Variants in AGMAT observed in about 807,000 individuals in gnomAD.
AGMAT encodes the protein agmatinase (putative).
In AGMAT, 37 loss-of-function variants were observed where a neutral mutation model predicts 29.3. That is an observed-to-expected ratio of 1.26 (90% CI 0.97 to 1.66). AGMAT has a LOEUF of 1.66. Among genes scored for constraint, AGMAT ranks in the 40% most tolerant of loss-of-function variants. The pLI, the probability that AGMAT is intolerant of heterozygous loss-of-function variation, is 0.00. For synonymous variants in AGMAT, 199 were observed against 200.8 expected (o/e 0.99, Z 0.08); for missense variants, 498 against 497.8 (o/e 1.00, Z 0.00).
At position 15,573,744 on chromosome 1, in the gene AGMAT, C is replaced by T. The variant is rs1638993267; in HGVS notation, c.986-20G>A. The T allele has an allele frequency of 1.2e-6, 2 of 1,610,742 alleles. No individual in the cohort carries two copies. Among genetic ancestry groups the T allele is most frequent in the Non-Finnish European group, 1.7e-6 (2 of 1,177,654 alleles). On this transcript the variant is annotated intron_variant, in intron 6 of 6. Transcript: ENST00000375826. ...TGTTCCCTAAGAAAAAGTAAAACCT[C>T]ACATGAATACCCTGCAGACGACCCG...
In AGMAT at chr1:15,577,936, T is replaced by C. The variant is rs1227031225; in HGVS notation, c.721-72A>G. On this transcript the variant is annotated intron_variant, in intron 4 of 6. Coordinates refer to ENST00000375826, the MANE Select transcript of AGMAT (RefSeq NM_024758.5). The stretch of plus-strand genomic sequence containing the variant: ...CATTTCCTGTTTGCCAGCCCCATGC[T>C]CAGCTCTGTGTGCACATGACACTTG... 7.5e-6 allele frequency: 11 copies of C among 1,470,166 alleles called. No homozygotes were observed. The Admixed American group carries it at 1.5e-4, about 20-fold the overall frequency. The allele number at this position is 1,470,166 out of a possible 1,614,324, so 91.1% of individuals were successfully genotyped here.
At chr1:15,575,676 G>C (rs762964078) in intron 5 of AGMAT, 7 of 152,134 alleles carry the variant, frequency 4.6e-5, no homozygotes, top group Non-Finnish European at 8.8e-5. Context: ...TTATTTGGGT[G>C]TTTCTAAAAC....
In AGMAT at chr1:15,584,841, G is replaced by T. The variant is rs778310622; in HGVS notation, c.127C>A (p.Gln43Lys). The change falls in exon 1 of 7, where the codon CAG becomes AAG. Residue 43 changes from glutamine (Q) to lysine (K), a missense_variant. Physicochemically the swap from Gln to Lys is moderately conservative, Grantham distance 53. Transcript: ENST00000375826. ...SRQASDAPRN[Q>K]PPSPEFVARP... ...GCCACGAACTCGGGGCTGGGGGGCT[G>T]GTTCCGGGGCGCGTCGGAAGCCTGG... 2.1e-6 allele frequency: 3 copies of T among 1,431,374 alleles called. No individual in the cohort carries two copies. The highest frequency in any genetic ancestry group is 3.0e-5 in the African/African-American group (2 of 67,510). The allele number at this position is 1,431,374 out of a possible 1,614,324, so 88.7% of individuals were successfully genotyped here.
Position 15,583,237 on chromosome 1 carries a change from G to T in AGMAT, c.431C>A (p.Ala144Asp). 3 of 1,614,080 alleles carry T rather than the reference G, an allele frequency of 1.9e-6. No individual in the cohort carries two copies. The highest frequency in any genetic ancestry group is 2.5e-6 in the Non-Finnish European group (3 of 1,180,028). ...LQDSCRRIQE[A>D]YEKIVAAGCI... ...GCCAGCTGCTACAATTTTCTCATAG[G>T]CCTCTTGAATTCGCCGGCAGCTGTC... is the stretch of plus-strand genomic sequence containing the variant. The change falls in exon 2 of 7, where the codon GCC becomes GAC. Residue 144 changes from alanine to aspartate, a missense_variant. Coordinates refer to ENST00000375826, the MANE Select transcript of AGMAT (RefSeq NM_024758.5).
chr1:15,574,257 T>C (rs1639000528), intron 6 of AGMAT, among the ~76,000 whole-genome samples: 1 of 152,180 alleles, frequency 6.6e-6, no homozygotes, highest in Non-Finnish European at 1.5e-5. Flanking sequence ...GATACTTAAC[T>C]ACCTCCTGGG....
At position 15,574,696 on chromosome 1, in the gene AGMAT, C is replaced by T; in HGVS notation, c.985+61G>A. The T allele has an allele frequency of 1.2e-5, 17 of 1,458,296 alleles. 1 individual carries two copies. The highest frequency in any genetic ancestry group is 1.6e-5 in the Non-Finnish European group (17 of 1,040,850). The allele number at this position is 1,458,296 out of a possible 1,614,324, so 90.3% of individuals were successfully genotyped here. A position where few individuals can be genotyped will look rare whatever the true frequency, so the allele number is the denominator to read the frequency against. On this transcript the variant is annotated intron_variant, in intron 6 of 6. Transcript: ENST00000375826. ...CCTGGCCCCATTTTCTACTTATTAA[C>T]TAGCTTCGTGTAATTTAAGCTACCG...
In AGMAT at chr1:15,584,970, CCG is replaced by C. The variant is rs911818543; in HGVS notation, c.-5_-4del. The C allele has an allele frequency of 3.8e-6, 5 of 1,329,550 alleles. No homozygotes were observed. Among genetic ancestry groups the C allele is most frequent in the Non-Finnish European group, 4.8e-6 (5 of 1,048,912 alleles). 82.4% of individuals were successfully genotyped at this position (1,329,550 alleles called of 1,614,324 possible). A position where few individuals can be genotyped will look rare whatever the true frequency, so the allele number is the denominator to read the frequency against. On this transcript the variant is annotated 5_prime_UTR_variant, in exon 1 of 7. Transcript: ENST00000375826. The stretch of plus-strand genomic sequence containing the variant: ...CCGGACGCCAGCAGCCTCAGCATTG[CCG>C]CGCGCGGCCAAGACCTCACCGACCA...
intron 2 of AGMAT, among the ~76,000 whole-genome samples, chr1:15,580,729 A>G (rs1220079934): frequency 2.6e-5 from 4 of 151,226 alleles, no homozygotes; most frequent in Non-Finnish European, 5.9e-5. Flanking sequence ...TAATCCCAGC[A>G]GTTTGGGAGG....
At position 15,579,012 on chromosome 1, in the gene AGMAT, G is replaced by A. The variant is rs773257273; in HGVS notation, c.567C>T (p.Asp189=). 6 of 1,614,078 alleles carry A rather than the reference G, an allele frequency of 3.7e-6. No individual in the cohort carries two copies. Among genetic ancestry groups the A allele is most frequent in the Non-Finnish European group, 3.4e-6 (4 of 1,180,016 alleles). The part of the protein sequence containing the change: ...VGLLHVDAHT[D]TTDKALGEKL... ...TCTCTCCTAGGGCCTTGTCGGTCGT[G>A]TCCGTGTGCGCATCCACGTGCAGCA... is the stretch of plus-strand genomic sequence containing the variant. Residue 189 remains aspartate (D), a synonymous_variant, in exon 4 of 7, where the codon GAC becomes GAT. Transcript: ENST00000375826.
chr1:15,584,609 AGGGGCGCCTGTCTC>A, intron 1 of AGMAT, 73 bp downstream of exon 1: 1 of 1,231,416 alleles, frequency 8.1e-7, no homozygotes, highest in Non-Finnish European at 1.0e-6. Context: ...CGGGGCCAGC[AGGGGCGCCTGTCTC>A]GGTGCTTTCC....
rs192275400 is a variant in AGMAT, at chr1:15,577,997, T to A, written c.721-133A>T. On this transcript the variant is annotated intron_variant, in intron 4 of 6. Coordinates refer to ENST00000375826, the MANE Select transcript of AGMAT (RefSeq NM_024758.5). ...TCCATGAAGAGGGAACTATCCTATT[T>A]TACAGGTGAGGAAGGGAGGGACAAT... 3 of 879,294 alleles carry A rather than the reference T, an allele frequency of 3.4e-6. No individual in the cohort carries two copies. The East Asian group carries it at 8.1e-5, about 24-fold the overall frequency. The allele number at this position is 879,294 out of a possible 1,614,324, so 54.5% of individuals were successfully genotyped here. A position where few individuals can be genotyped will look rare whatever the true frequency, so the allele number is the denominator to read the frequency against.
intron 1 of AGMAT, among the ~76,000 whole-genome samples, chr1:15,584,028 A>G (rs1192419053): frequency 4.6e-5 from 7 of 152,192 alleles, no homozygotes; most frequent in Non-Finnish European, 8.8e-5. Context: ...TCTGCTCTCA[A>G]ATGCAATGTC....
intron 3 of AGMAT, among the ~76,000 whole-genome samples, chr1:15,579,455 A>C (rs2103438368): frequency 6.6e-6 from 1 of 152,190 alleles, no homozygotes; most frequent in Admixed American, 6.5e-5. Context: ...CCTGCCAGCC[A>C]CCCAAAATAA....
chr1:15,575,918 A>AATTTTT (rs895241578), intron 5 of AGMAT: 1 of 151,528 alleles, frequency 6.6e-6, no homozygotes, highest in African/African-American at 2.4e-5. Flanking sequence ...ACACCAGACT[A>AATTTTT]ATTTTTATTT....
chr1:15,575,796 G>A (rs925399798), intron 5 of AGMAT: 5 of 150,818 alleles, frequency 3.3e-5, no homozygotes, highest in Non-Finnish European at 5.9e-5. Flanking sequence ...TCTGTCACCC[G>A]GGCTATAGTG....
chr1:15,579,078 A>G (rs1271098377), intron 3 of AGMAT, 24 bp from the exon 4 acceptor site: 2 of 1,607,614 alleles, frequency 1.2e-6, no homozygotes. Context: ...GGCAGCTCAG[A>G]GGCCAACCCT....
chr1:15,576,467 TTGC>T (rs1639038276), intron 5 of AGMAT, among the ~76,000 whole-genome samples: 1 of 151,030 alleles, frequency 6.6e-6, no homozygotes, highest in African/African-American at 2.4e-5. Context: ...TCTTGCTCTG[TTGC>T]CCAGGCTGGA....
chr1:15,577,303 G>A (rs773364507), intron 5 of AGMAT, among the ~76,000 whole-genome samples: 8 of 152,016 alleles, frequency 5.3e-5, no homozygotes, highest in African/African-American at 7.2e-5. Flanking sequence ...AGCCAGGCGC[G>A]GTGGCTGACA....
Position 15,577,783 on chromosome 1 carries a change from C to T in AGMAT, c.802G>A (p.Gly268Ser). 6.2e-7 allele frequency: 1 copy of T among 1,614,186 alleles called. No homozygotes were observed. The highest frequency in any genetic ancestry group is 8.5e-7 in the Non-Finnish European group (1 of 1,180,032). The change falls in exon 5 of 7, where the codon GGC becomes AGC. Residue 268 changes from glycine (G) to serine (S), a missense_variant. By Grantham distance (56) the Gly-to-Ser change is moderately conservative. Transcript: ENST00000375826. ...LMGEVRQQMG[G>S]KPIYISFDID... Reference sequence around the variant, plus strand: ...TCAAAGCTGATATAAATGGGTTTGCCTCCCATCTGCTGCCTGACTTCCCCC... The same window carrying T: ...TCAAAGCTGATATAAATGGGTTTGCTTCCCATCTGCTGCCTGACTTCCCCC...
Sources: allele counts gnomAD v4.1 joint callset (sites outside exome capture counted in the v4.1 genomes callset), GRCh38; gene constraint gnomAD v4.1.1; transcripts MANE v1.5; gene names NCBI Gene and HGNC (gene_info 2026-07-23, HGNC 2026-07-21).